The following SLC25A21 variants were observed in gnomAD, a reference collection of about 807,000 sequenced individuals.
SLC25A21 encodes the protein solute carrier family 25 member 21, also known as mitochondrial 2-oxodicarboxylate carrier.
Under a neutral mutation model 43.8 loss-of-function variants are expected in SLC25A21, and 47 were observed. That is an observed-to-expected ratio of 1.07 (90% CI 0.85 to 1.37). The LOEUF (loss-of-function observed/expected upper bound fraction) is 1.37, where lower values mean the gene tolerates loss of function less well. SLC25A21 is among the 40% of genes most tolerant of loss of function. The pLI is 0.00. For missense variants in SLC25A21, 352 were observed against 350.2 expected (o/e 1.00, Z -0.04); for synonymous variants, 131 against 121.3 (o/e 1.08, Z -0.52).
chr14:36,704,656 C>CAAA lies in SLC25A21; in HGVS notation c.603+6659_603+6661dup, dbSNP rs758402770. 6.3e-4 allele frequency among the ~76,000 whole-genome samples: 66 copies of CAAA among 104,420 alleles called. No individual in the cohort carries two copies. The East Asian group carries it at 6.9e-3, about 11-fold the overall frequency. The allele number at this position is 104,420 out of a possible 152,430, so 68.5% of individuals were successfully genotyped here. ...TGGGCAACAGAGCGAGACTCCGTCT[C>CAAA]AAAAAAAAAAAAAAACAAAAAAGAG... On this transcript the variant is annotated intron_variant, in intron 7 of 9. Transcript: ENST00000331299.
chr14:37,137,340 G>T (rs1174808037), intron 1 of SLC25A21, among the ~76,000 whole-genome samples: 1 of 152,002 alleles, frequency 6.6e-6, no homozygotes. Context: ...TATAAATAAT[G>T]GTATTATGTT....
chr14:36,791,103 T>C (rs17105317), intron 3 of SLC25A21, among the ~76,000 whole-genome samples: 6,636 of 152,222 alleles, frequency 0.044, 504 homozygotes, highest in African/African-American at 0.15. Context: ...TGAACTGTGA[T>C]ATATTTCTAG....
chr14:37,082,487 C>T (rs1962407477), intron 1 of SLC25A21, among the ~76,000 whole-genome samples: 1 of 152,176 alleles, frequency 6.6e-6, no homozygotes. Context: ...TTTACAGGGA[C>T]ACCATCTATT....
At chr14:36,804,789 T>C (rs1887980670) in intron 3 of SLC25A21, among the ~76,000 whole-genome samples, 3 of 152,230 alleles carry the variant, frequency 2.0e-5, no homozygotes, top group Admixed American at 6.5e-5. Context: ...TACAATAAGA[T>C]AATCAGGTAT....
chr14:36,770,502 G>C (rs1886580508), intron 3 of SLC25A21, among the ~76,000 whole-genome samples: 1 of 152,118 alleles, frequency 6.6e-6, no homozygotes, highest in African/African-American at 2.4e-5. Context: ...GCCTGTACAT[G>C]TACCTCCTGA....
chr14:36,877,931 C>G (rs1039674300), intron 1 of SLC25A21, among the ~76,000 whole-genome samples: 2 of 151,898 alleles, frequency 1.3e-5, no homozygotes, highest in Non-Finnish European at 2.9e-5. Flanking sequence ...GTTGTTTTTT[C>G]TTATTACCAA....
At chr14:36,843,246 G>C (rs566258106) in intron 2 of SLC25A21, among the ~76,000 whole-genome samples, 1 of 152,196 alleles carries the variant, frequency 6.6e-6, no homozygotes, top group Non-Finnish European at 1.5e-5. Flanking sequence ...CATCGTGCCA[G>C]AGAGGGAAGA....
intron 1 of SLC25A21, among the ~76,000 whole-genome samples, chr14:36,924,841 T>C (rs1009657788): frequency 9.9e-5 from 15 of 152,156 alleles, no homozygotes; most frequent in Non-Finnish European, 1.8e-4. Context: ...GGTTTGAGTA[T>C]AGCAGAGGAA....
chr14:37,025,639 G>C (rs2138760300), intron 1 of SLC25A21, among the ~76,000 whole-genome samples: 1 of 152,246 alleles, frequency 6.6e-6, no homozygotes, highest in South Asian at 2.1e-4. Flanking sequence ...AAAGACTTTA[G>C]TGCACATTCC....
intron 1 of SLC25A21, among the ~76,000 whole-genome samples, chr14:37,056,469 C>A (rs1309399685): frequency 1.4e-5 from 2 of 147,772 alleles, no homozygotes; most frequent in African/African-American, 2.5e-5. Context: ...CCAGCCTGGG[C>A]GACAGCGAGA....
chr14:36,709,326 T>C (rs1246595661), intron 7 of SLC25A21, among the ~76,000 whole-genome samples: 4 of 152,350 alleles, frequency 2.6e-5, no homozygotes, highest in Admixed American at 6.5e-5. Flanking sequence ...TTCAAATTCT[T>C]AATAATTTCT....
intron 1 of SLC25A21, among the ~76,000 whole-genome samples, chr14:37,067,049 G>A (rs372771566): frequency 1.3e-3 from 197 of 152,146 alleles, no homozygotes; most frequent in African/African-American, 4.0e-3. Context: ...ATGTAAATAC[G>A]AAAGAGAGAT....
intron 1 of SLC25A21, among the ~76,000 whole-genome samples, chr14:36,910,552 A>G (rs1374160195): frequency 6.6e-6 from 1 of 152,200 alleles, no homozygotes; most frequent in Non-Finnish European, 1.5e-5. Context: ...TGCTGGGGAC[A>G]GAGAGAAAGG....
intron 6 of SLC25A21, among the ~76,000 whole-genome samples, chr14:36,721,759 T>C (rs925898182): frequency 2.6e-5 from 4 of 152,236 alleles, no homozygotes; most frequent in Non-Finnish European, 5.9e-5. Flanking sequence ...ACCTGATCAG[T>C]TGAGAAGGTC....
At chr14:37,077,072 A>G (rs1962295937) in intron 1 of SLC25A21, among the ~76,000 whole-genome samples, 1 of 152,200 alleles carries the variant, frequency 6.6e-6, no homozygotes, top group Non-Finnish European at 1.5e-5. Context: ...ACCTAATCAA[A>G]TAGATATCTG....
At chr14:36,980,097 G>A (rs1437646308) in intron 1 of SLC25A21, among the ~76,000 whole-genome samples, 2 of 152,186 alleles carry the variant, frequency 1.3e-5, no homozygotes, top group Non-Finnish European at 2.9e-5. Flanking sequence ...TACAGGCTGG[G>A]TGTACACAAT....
intron 1 of SLC25A21, among the ~76,000 whole-genome samples, chr14:36,985,850 A>G (rs1032943871): frequency 2.0e-5 from 3 of 152,294 alleles, no homozygotes; most frequent in African/African-American, 7.2e-5. Context: ...ATTATATTCA[A>G]TGTGATATAA....
chr14:36,757,555 C>G (rs891470951), intron 3 of SLC25A21, among the ~76,000 whole-genome samples: 1 of 152,140 alleles, frequency 6.6e-6, no homozygotes, highest in African/African-American at 2.4e-5. Context: ...CCATTACTTG[C>G]CTTTTGTACT....
intron 2 of SLC25A21, among the ~76,000 whole-genome samples, chr14:36,838,692 C>T (rs957886635): frequency 2.0e-5 from 3 of 152,174 alleles, no homozygotes; most frequent in African/African-American, 7.2e-5. Context: ...TGCCTGAAGT[C>T]TAGGCTACAG....
Sources: gnomAD v4.1 joint callset for allele counts (sites outside exome capture counted in the v4.1 genomes callset) on GRCh38, gnomAD v4.1.1 for gene constraint, MANE v1.5 for transcripts, NCBI Gene and HGNC (gene_info 2026-07-23, HGNC 2026-07-21) for gene names.